Variants in SLC17A1 observed in about 807,000 individuals in gnomAD.
SLC17A1 encodes the protein solute carrier family 17 member 1.
A neutral mutation model predicts 53.5 loss-of-function variants in SLC17A1; 51 were observed. The observed-to-expected ratio is 0.95, with a 90% CI of 0.76 to 1.20. SLC17A1 has a LOEUF of 1.20. Among genes scored for constraint, SLC17A1 ranks in the 50% most tolerant of loss-of-function variants. SLC17A1 has a pLI of 0.00. For synonymous variants in SLC17A1, 179 were observed against 198.8 expected, an observed-to-expected ratio of 0.90 and a Z score of 0.84; for missense variants, 538 against 568.2, an observed-to-expected ratio of 0.95 and a Z score of 0.54.
the SLC17A1 span, chr6:25,769,134 C>T: frequency 3.7e-6 from 6 of 1,613,944 alleles, no homozygotes; most frequent in Non-Finnish European, 5.1e-6. Flanking sequence ...CACAGAACGG[C>T]CCTCCACTGA....
At chr6:25,740,595 C>T in the SLC17A1 span, among the ~76,000 whole-genome samples, 1 of 152,132 alleles carries the variant, frequency 6.6e-6, no homozygotes, top group African/African-American at 2.4e-5. Context: ...ACTGACTTTA[C>T]TGATGAGCTC....
chr6:25,796,014 T>C (rs1344515920), intron 12 of SLC17A1, among the ~76,000 whole-genome samples: 1 of 152,178 alleles, frequency 6.6e-6, no homozygotes, highest in Non-Finnish European at 1.5e-5. Context: ...AGGTCAAATA[T>C]ATACAAAACA....
At chr6:25,784,890 A>G (rs1371726631) in intron 12 of SLC17A1, among the ~76,000 whole-genome samples, 2 of 152,204 alleles carry the variant, frequency 1.3e-5, no homozygotes, top group African/African-American at 2.4e-5. Context: ...TCTGCTCAAC[A>G]TTATACTAGG....
chr6:25,731,648 T>C, the SLC17A1 span: 1 of 552,236 alleles, frequency 1.8e-6, no homozygotes, highest in Non-Finnish European at 2.9e-6. Flanking sequence ...ATGCCTAGTC[T>C]AGGAAAAAAT....
the SLC17A1 span, chr6:25,726,723 C>T: frequency 3.8e-6 from 4 of 1,052,852 alleles, no homozygotes; most frequent in African/African-American, 1.6e-5. Flanking sequence ...GGATACCGAA[C>T]GCGGCGTTTG....
intron 12 of SLC17A1, among the ~76,000 whole-genome samples, chr6:25,792,812 T>C (rs149160857): frequency 1.4e-4 from 22 of 152,254 alleles, no homozygotes; most frequent in Middle Eastern, 3.4e-3. Context: ...CCAGAACTCA[T>C]CTGAATCTGG....
At chr6:25,817,528 A>G (rs758614620) in intron 6 of SLC17A1, among the ~76,000 whole-genome samples, 30 of 152,182 alleles carry the variant, frequency 2.0e-4, no homozygotes, top group Non-Finnish European at 3.5e-4. Context: ...TACAATGTGT[A>G]GTTGTGTAAC....
At position 25,788,016 on chromosome 6, in the gene SLC17A1, G is replaced by A. The variant is rs1299181904; in HGVS notation, c.*3-4798C>T. On this transcript the variant is annotated intron_variant, in intron 12 of 12. Transcript: ENST00000244527. The stretch of plus-strand genomic sequence containing the variant: ...GTGCTGAGTGCATTAGTTTGTTACT[G>A]AGTAGTGGGAATATGAATCTGGTGG... Among the ~76,000 whole-genome samples the A allele has an allele frequency of 7.9e-5, 12 of 152,146 alleles. No individual in the cohort carries two copies. In the South Asian group the frequency reaches 2.3e-3, roughly 29 times the overall value.
At chr6:25,798,466 C>G (rs1304412986) in intron 12 of SLC17A1, 1 of 215,756 alleles carries the variant, frequency 4.6e-6, no homozygotes, top group Non-Finnish European at 9.1e-6. Context: ...CAACCTTTTT[C>G]ACTTCGAGTC....
At chr6:25,795,603 A>G (rs1763587009) in intron 12 of SLC17A1, among the ~76,000 whole-genome samples, 1 of 152,190 alleles carries the variant, frequency 6.6e-6, no homozygotes, top group Non-Finnish European at 1.5e-5. Context: ...AGTCATCTAT[A>G]TAAAGGAGAC....
downstream of SLC17A1, chr6:25,780,276 G>C (rs537677836): frequency 6.6e-6 from 1 of 152,158 alleles, no homozygotes; most frequent in Admixed American, 6.5e-5. Flanking sequence ...TCAGTGTCTC[G>C]GGAGGGCAGA....
the SLC17A1 span, chr6:25,726,803 C>T: frequency 5.4e-5 from 74 of 1,363,068 alleles, no homozygotes; most frequent in African/African-American, 1.0e-4. Flanking sequence ...AGACTTGGAG[C>T]TGAGGTCATT....
intron 10 of SLC17A1, among the ~76,000 whole-genome samples, chr6:25,802,896 T>C (rs1388694029): frequency 2.0e-5 from 3 of 151,040 alleles, no homozygotes; most frequent in Non-Finnish European, 1.5e-5. Context: ...TATCCTATTA[T>C]TTATTATTTA....
chr6:25,770,509 C>T, the SLC17A1 span: 1 of 1,583,986 alleles, frequency 6.3e-7, no homozygotes, highest in South Asian at 1.1e-5. Flanking sequence ...CATGCACTGT[C>T]CAGGAGAACT....
At chr6:25,769,091 C>T in the SLC17A1 span, 1 of 1,614,068 alleles carries the variant, frequency 6.2e-7, no homozygotes, top group Non-Finnish European at 8.5e-7. Context: ...CTATGGTGAA[C>T]AACACAGCCC....
the SLC17A1 span, among the ~76,000 whole-genome samples, chr6:25,766,904 T>A: frequency 3.2e-3 from 492 of 152,276 alleles, 3 homozygotes; most frequent in Middle Eastern, 6.8e-3. Flanking sequence ...GCTCCCTATA[T>A]GGGATTCTGG....
intron 1 of SLC17A1, among the ~76,000 whole-genome samples, chr6:25,831,417 T>C (rs1209786469): frequency 6.6e-6 from 1 of 152,144 alleles, no homozygotes; most frequent in Non-Finnish European, 1.5e-5. Context: ...TTATCACACA[T>C]TGGAACCTCT....
At chr6:25,787,271 T>C (rs1370487985) in intron 12 of SLC17A1, among the ~76,000 whole-genome samples, 3 of 151,760 alleles carry the variant, frequency 2.0e-5, no homozygotes, top group Non-Finnish European at 4.4e-5. Flanking sequence ...ACGCATCACT[T>C]GAGCCCAGGA....
chr6:25,826,422 CT>C, intron 3 of SLC17A1, 38 bp downstream of exon 3: 1 of 1,512,024 alleles, frequency 6.6e-7, no homozygotes, highest in Non-Finnish European at 9.0e-7. Context: ...GCAAGACAGG[CT>C]TTTAAACATT....
Sources: allele counts gnomAD v4.1 joint callset (sites outside exome capture counted in the v4.1 genomes callset), GRCh38; gene constraint gnomAD v4.1.1; transcripts MANE v1.5; gene names NCBI Gene and HGNC (gene_info 2026-07-23, HGNC 2026-07-21).